Variants in HAUS8 observed in about 807,000 individuals in gnomAD.
HAUS8 encodes the protein HAUS augmin-like complex subunit 8.
HAUS8 carries 38 observed loss-of-function variants against 42.9 expected under a neutral mutation model. The observed-to-expected ratio is 0.89, with a 90% CI of 0.68 to 1.16. The LOEUF (loss-of-function observed/expected upper bound fraction) is 1.16. HAUS8 is among the 50% of genes most tolerant of loss of function. The pLI, the probability that HAUS8 is intolerant of heterozygous loss-of-function variation, is 0.00. For missense variants in HAUS8, 494 were observed against 511.6 expected, an observed-to-expected ratio of 0.97 and a Z score of 0.33; for synonymous variants, 199 against 205.8, an observed-to-expected ratio of 0.97 and a Z score of 0.28.
Position 17,075,399 on chromosome 19 carries a change from G to A in HAUS8, c.24C>T (p.Gly8=), listed in dbSNP as rs763019768. 80 of 1,613,744 alleles carry A rather than the reference G, an allele frequency of 5.0e-5. No homozygotes were observed. The highest frequency in any genetic ancestry group is 8.9e-5 in the East Asian group (4 of 44,882). Residue 8 remains glycine (G), a synonymous_variant, in exon 1 of 11, where the codon GGC becomes GGT. Coordinates refer to ENST00000253669, the MANE Select transcript of HAUS8 (RefSeq NM_033417.2). Reference sequence around the variant, plus strand: ...CTGCGGAAGCCCCAACTCACCCAGCGCCTCGCCCCGAGGAATCCGCCATTT... The same window carrying A: ...CTGCGGAAGCCCCAACTCACCCAGCACCTCGCCCCGAGGAATCCGCCATTT... The part of the protein sequence containing the change: MADSSGR[G]AGKPATGPTN...
chr19:17,052,715 G>A, intron 10 of HAUS8, 110 bp downstream of exon 10: 1 of 1,164,266 alleles, frequency 8.6e-7, no homozygotes, highest in South Asian at 1.4e-5. Flanking sequence ...TCAGGGGACT[G>A]AACCTCCTCT....
chr19:17,057,257 TGA>T (rs1351080611), intron 8 of HAUS8, among the ~76,000 whole-genome samples: 2 of 151,794 alleles, frequency 1.3e-5, no homozygotes, highest in African/African-American at 4.8e-5. Context: ...AGCTCAGGTA[TGA>T]GAGTTGCCTG....
intron 8 of HAUS8, among the ~76,000 whole-genome samples, chr19:17,057,749 C>T (rs2057334932): frequency 6.6e-6 from 1 of 152,140 alleles, no homozygotes; most frequent in Non-Finnish European, 1.5e-5. Context: ...GATGATCCAA[C>T]TCCCAGTACC....
chr19:17,062,928 A>C (rs1482378306), intron 3 of HAUS8, 149 bp from the exon 4 acceptor site: 22 of 597,270 alleles, frequency 3.7e-5, no homozygotes, highest in Non-Finnish European at 5.6e-5. Flanking sequence ...CCTCATATAC[A>C]CAGGACAAAC....
chr19:17,070,119 G>A (rs2057412564), intron 2 of HAUS8, among the ~76,000 whole-genome samples: 1 of 148,814 alleles, frequency 6.7e-6, no homozygotes, highest in South Asian at 2.1e-4. Context: ...CCCCTTGACA[G>A]CAAACACCCC....
chr19:17,073,533 A>T (rs1177659700), intron 1 of HAUS8, 198 bp from the exon 2 acceptor site: 2 of 609,250 alleles, frequency 3.3e-6, no homozygotes, highest in African/African-American at 3.7e-5. Flanking sequence ...GCAAGAAGGC[A>T]TAGGTGAACA....
rs142982492 is a variant in HAUS8, at chr19:17,063,086, A to G, written c.148-307T>C. Among the ~76,000 whole-genome samples the G allele has an allele frequency of 2.8e-3, 427 of 152,356 alleles. 2 individuals carry two copies. Among genetic ancestry groups the G allele is most frequent in the African/African-American group, 9.9e-3 (410 of 41,588 alleles). On this transcript the variant is annotated intron_variant, in intron 3 of 10. Transcript: ENST00000253669. Reference sequence around the variant, plus strand: ...TTTGCTAGTTTTCCAGAGAGAACATATAACTTTGGTCATCAGGAGAAACAA... The same window carrying G: ...TTTGCTAGTTTTCCAGAGAGAACATGTAACTTTGGTCATCAGGAGAAACAA...
chr19:17,050,138 C>A lies in HAUS8; in HGVS notation c.968G>T (p.Ser323Ile). ...AQVLELSAEA[S>I]KEAALANQEV... ...CTGGTTTGCCAAGGCTGCCTCTTTGCTTGCCTCTGCGGAGAGTTCCAGCAC... is the reference window on the plus strand; with the variant it reads ...CTGGTTTGCCAAGGCTGCCTCTTTGATTGCCTCTGCGGAGAGTTCCAGCAC... Residue 323 changes from serine (S) to isoleucine (I), a missense_variant, in exon 11 of 11, where the codon AGC becomes ATC. By Grantham distance (142) the Ser-to-Ile change is moderately radical (BLOSUM62 -2). Coordinates refer to ENST00000253669, the MANE Select transcript of HAUS8 (RefSeq NM_033417.2). 6.4e-7 allele frequency: 1 copy of A among 1,554,594 alleles called. No homozygotes were observed. The highest frequency in any genetic ancestry group is 1.2e-5 in the South Asian group (1 of 82,102).
chr19:17,056,261 G>T (rs1369451683), intron 8 of HAUS8, among the ~76,000 whole-genome samples: 1 of 152,162 alleles, frequency 6.6e-6, no homozygotes, highest in African/African-American at 2.4e-5. Context: ...GAGCCCACCT[G>T]CTTTAGAGTA....
chr19:17,072,630 G>A (rs888222054), intron 2 of HAUS8, among the ~76,000 whole-genome samples: 1 of 151,914 alleles, frequency 6.6e-6, no homozygotes, highest in Non-Finnish European at 1.5e-5. Flanking sequence ...GTGAGCCACC[G>A]TGTCCAGCCA....
At position 17,059,641 on chromosome 19, in the gene HAUS8, G is replaced by A. The variant is rs73504824; in HGVS notation, c.336C>T (p.Ile112=). ...TTGCTAACTGTGGCGTCTTTTTGAC[G>A]ATGCTTTTGTCTAAGATAAAGCACA... is the stretch of plus-strand genomic sequence containing the variant. ...LDLSAINDKS[I]VKKTPQLAKT... is the part of the protein sequence containing the mutation. Residue 112 remains isoleucine (I), a synonymous_variant, in exon 6 of 11, where the codon ATC becomes ATT. Transcript: ENST00000253669. 3,722 of 1,612,088 alleles carry A rather than the reference G, an allele frequency of 2.3e-3. 82 individuals carry two copies. In the African/African-American group the frequency reaches 0.044, roughly 19 times the overall value.
intron 4 of HAUS8, 74 bp from the exon 5 acceptor site, chr19:17,060,166 G>C (rs547538829): frequency 1.9e-6 from 2 of 1,032,900 alleles, no homozygotes; most frequent in Admixed American, 3.7e-5. Flanking sequence ...AACGCAGGCC[G>C]TGTTTTTGAA....
intron 8 of HAUS8, among the ~76,000 whole-genome samples, chr19:17,057,481 T>C (rs1461847166): frequency 6.6e-6 from 1 of 152,228 alleles, no homozygotes; most frequent in Non-Finnish European, 1.5e-5. Flanking sequence ...ATAAGGTTCA[T>C]CTATGAGTTT....
intron 3 of HAUS8, among the ~76,000 whole-genome samples, chr19:17,068,046 G>C (rs1347537858): frequency 6.6e-6 from 1 of 151,004 alleles, no homozygotes; most frequent in Non-Finnish European, 1.5e-5. Context: ...AGTGATCGAA[G>C]GATGTCATTT....
intron 10 of HAUS8, chr19:17,052,548 G>C (rs1406430567): frequency 3.3e-6 from 1 of 304,360 alleles, no homozygotes; most frequent in Admixed American, 4.7e-5. Flanking sequence ...CTGCACTCCA[G>C]CCTGGGCGAC....
At chr19:17,053,672 T>C in intron 9 of HAUS8, 1 of 151,824 alleles carries the variant, frequency 6.6e-6, no homozygotes, top group East Asian at 1.9e-4. Context: ...TTCTTTTTTT[T>C]TTTTTTTTGA....
Position 17,075,386 on chromosome 19 carries a change from C to T in HAUS8, c.29+8G>A, listed in dbSNP as rs1176818847. ...TACAAATCCAGACCTGCGGAAGCCC[C>T]AACTCACCCAGCGCCTCGCCCCGAG... On this transcript the variant is annotated splice_region_variant and intron_variant, in intron 1 of 10. Coordinates refer to ENST00000253669, the MANE Select transcript of HAUS8 (RefSeq NM_033417.2). 4 of 1,613,868 alleles carry T rather than the reference C, an allele frequency of 2.5e-6. No individual in the cohort carries two copies. The highest frequency in any genetic ancestry group is 2.5e-6 in the Non-Finnish European group (3 of 1,179,916).
intron 4 of HAUS8, among the ~76,000 whole-genome samples, chr19:17,061,007 G>A (rs534758741): frequency 2.4e-4 from 36 of 152,130 alleles, no homozygotes; most frequent in Non-Finnish European, 4.9e-4. Context: ...AATGTGTAGG[G>A]TACAATATAA....
At position 17,060,040 on chromosome 19, in the gene HAUS8, C is replaced by T. The variant is rs745475210; in HGVS notation, c.282G>A (p.Gly94=). Residue 94 remains glycine, a synonymous_variant, in exon 5 of 11, where the codon GGG becomes GGA. Coordinates refer to ENST00000253669, the MANE Select transcript of HAUS8 (RefSeq NM_033417.2). ...CCAGGTCAGGTGGAGCTGTGCCATGCCCTTCCAGCAACGTGGACTGCAGGT... is the reference window on the plus strand; with the variant it reads ...CCAGGTCAGGTGGAGCTGTGCCATGTCCTTCCAGCAACGTGGACTGCAGGT... The part of the protein sequence containing the change: ...KGDLQSTLLE[G]HGTAPPDLDL... The T allele has an allele frequency of 2.5e-6, 4 of 1,613,532 alleles. No individual in the cohort carries two copies. The South Asian group carries it at 3.3e-5, about 13-fold the overall frequency.
Sources: gnomAD v4.1 joint callset for allele counts (sites outside exome capture counted in the v4.1 genomes callset) on GRCh38, gnomAD v4.1.1 for gene constraint, MANE v1.5 for transcripts, NCBI Gene and HGNC (gene_info 2026-07-23, HGNC 2026-07-21) for gene names.